The following LETM1 variants were observed in gnomAD, a reference collection of about 807,000 sequenced individuals.
LETM1 encodes the protein mitochondrial proton/calcium exchanger protein.
LETM1 carries 50 observed loss-of-function variants against 74.5 expected under a neutral mutation model. That is an observed-to-expected ratio of 0.67 (90% CI 0.53 to 0.85). LETM1 has a LOEUF of 0.85. LETM1 is among the 40% of genes least tolerant of loss of function. The probability of loss-of-function intolerance (pLI) is 0.00; values close to 1 mark genes in which losing one functional copy is unlikely to be tolerated. For missense variants in LETM1, 824 were observed against 967.8 expected, an observed-to-expected ratio of 0.85 and a Z score of 1.97; for synonymous variants, 446 against 407.1, an observed-to-expected ratio of 1.10 and a Z score of -1.15.
chr4:1,852,272 T>C (rs1472174461), intron 1 of LETM1, among the ~76,000 whole-genome samples: 1 of 152,200 alleles, frequency 6.6e-6, no homozygotes. Context: ...ATGTCAGCAA[T>C]GGGCTCTACT....
At chr4:1,822,468 C>G (rs966761612) in intron 9 of LETM1, 156 bp from the exon 10 acceptor site, 1 of 808,168 alleles carries the variant, frequency 1.2e-6, no homozygotes, top group Non-Finnish European at 1.7e-6. Flanking sequence ...CCTAGGGAGG[C>G]TCCATGCAGC....
chr4:1,828,907 A>G (rs1293202070), intron 6 of LETM1, among the ~76,000 whole-genome samples: 3 of 93,524 alleles, frequency 3.2e-5, no homozygotes, highest in Non-Finnish European at 6.3e-5. Context: ...GGCCGGGCAG[A>G]GGGGCTCCTC....
intron 2 of LETM1, among the ~76,000 whole-genome samples, chr4:1,843,632 G>A (rs1020895521): frequency 1.3e-5 from 2 of 152,204 alleles, no homozygotes; most frequent in African/African-American, 2.4e-5. Context: ...CACGTGGAAG[G>A]TGCCTGGTGG....
chr4:1,821,121 A>G (rs1249349118), intron 10 of LETM1, among the ~76,000 whole-genome samples: 1 of 150,056 alleles, frequency 6.7e-6, no homozygotes, highest in Admixed American at 6.6e-5. Context: ...CTAAAAAGTG[A>G]AATTTTTTTT....
intron 10 of LETM1, among the ~76,000 whole-genome samples, chr4:1,820,296 A>G (rs1711733361): frequency 6.6e-6 from 1 of 152,086 alleles, no homozygotes; most frequent in African/African-American, 2.4e-5. Flanking sequence ...CAGCACTTGC[A>G]TATCTTTTTC....
At position 1,836,712 on chromosome 4, in the gene LETM1, C is replaced by T. The variant is rs1712473285; in HGVS notation, c.595-140G>A. 2 of 864,262 alleles carry T rather than the reference C, an allele frequency of 2.3e-6. No homozygotes were observed. The highest frequency in any genetic ancestry group is 3.5e-6 in the Non-Finnish European group (2 of 564,768). The allele number at this position is 864,262 out of a possible 1,614,324, so 53.5% of individuals were successfully genotyped here. On this transcript the variant is annotated intron_variant, in intron 3 of 13. Coordinates refer to ENST00000302787, the MANE Select transcript of LETM1 (RefSeq NM_012318.3). This position sits in a 1 kb window ranked among gnomAD's most constrained non-coding sequence, Gnocchi z 5.8. ...AGGACCCACTGAGGACTCTAAGTTC[C>T]AGAACCACTTAGCAGACCATTCCCA...
chr4:1,851,997 C>T (rs1468227888), intron 1 of LETM1, among the ~76,000 whole-genome samples: 3 of 152,244 alleles, frequency 2.0e-5, no homozygotes, highest in Non-Finnish European at 4.4e-5. Flanking sequence ...ACGTCCCTCA[C>T]GAGCACAGGT....
intron 6 of LETM1, among the ~76,000 whole-genome samples, chr4:1,830,531 A>G (rs1240650909): frequency 6.6e-6 from 1 of 152,112 alleles, no homozygotes; most frequent in Admixed American, 6.5e-5. Flanking sequence ...GGGGGGTCTC[A>G]CTATGTTGCC....
intron 6 of LETM1, among the ~76,000 whole-genome samples, chr4:1,827,880 C>A (rs567855965): frequency 6.6e-6 from 1 of 150,838 alleles, no homozygotes; most frequent in Admixed American, 6.6e-5. Context: ...CAGAGGCGCC[C>A]CCCCCACCTC....
chr4:1,835,440 C>CAA (rs890900641), intron 4 of LETM1, among the ~76,000 whole-genome samples: 1 of 141,460 alleles, frequency 7.1e-6, no homozygotes, highest in Admixed American at 7.0e-5. Flanking sequence ...AACTCCGTCT[C>CAA]AAAAAAAAAA....
chr4:1,815,557 G>A (rs1005683879), intron 13 of LETM1, 107 bp downstream of exon 13: 2 of 1,255,402 alleles, frequency 1.6e-6, no homozygotes, highest in Non-Finnish European at 2.2e-6. Flanking sequence ...CTGACAGGAG[G>A]GGGTAGCTGC....
intron 3 of LETM1, among the ~76,000 whole-genome samples, chr4:1,839,620 T>C (rs1265251396): frequency 1.3e-5 from 2 of 152,260 alleles, no homozygotes; most frequent in Non-Finnish European, 2.9e-5. Context: ...AGTCTTGTGA[T>C]AATGTTAGGT....
At chr4:1,821,146 C>CA (rs1301854615) in intron 10 of LETM1, among the ~76,000 whole-genome samples, 1 of 143,166 alleles carries the variant, frequency 7.0e-6, no homozygotes, top group African/African-American at 2.6e-5. Context: ...TTTTTTGAGA[C>CA]AGAGTCTCAC....
At chr4:1,843,678 C>T (rs913561528) in intron 2 of LETM1, among the ~76,000 whole-genome samples, 2 of 152,166 alleles carry the variant, frequency 1.3e-5, no homozygotes, top group African/African-American at 4.8e-5. Context: ...GGAAGGGGGA[C>T]AGGCACCCCA....
At chr4:1,846,470 T>C (rs1414313192) in intron 2 of LETM1, 1 of 152,208 alleles carries the variant, frequency 6.6e-6, no homozygotes, top group Non-Finnish European at 1.5e-5. Flanking sequence ...TTTCACCATG[T>C]TGGCTAGGCT....
At chr4:1,828,402 C>T (rs1315760473) in intron 6 of LETM1, among the ~76,000 whole-genome samples, 9 of 105,062 alleles carry the variant, frequency 8.6e-5, no homozygotes, top group African/African-American at 8.5e-5. Context: ...CCCTCCCGGA[C>T]GGGGCGGCTG....
intron 7 of LETM1, among the ~76,000 whole-genome samples, chr4:1,824,160 A>G (rs1425546337): frequency 6.6e-6 from 1 of 152,224 alleles, no homozygotes; most frequent in African/African-American, 2.4e-5. Context: ...ATCTCTACTA[A>G]AAATACAAAA....
At chr4:1,846,022 T>C (rs1712871774) in intron 2 of LETM1, among the ~76,000 whole-genome samples, 2 of 147,828 alleles carry the variant, frequency 1.4e-5, no homozygotes, top group African/African-American at 5.0e-5. Flanking sequence ...CACACCCAGT[T>C]ATTTTTGTAT....
At position 1,853,049 on chromosome 4, in the gene LETM1, C is replaced by T. The variant is rs114653515; in HGVS notation, c.82+2820G>A. ...ATCTCTTCCCTGACTTGAATACACA[C>T]GCCCCACAGGTCTGATGGGCACGGC... On this transcript the variant is annotated intron_variant, in intron 1 of 13. Coordinates refer to ENST00000302787, the MANE Select transcript of LETM1 (RefSeq NM_012318.3). 4.8e-3 allele frequency among the ~76,000 whole-genome samples: 735 copies of T among 152,288 alleles called. 8 individuals are homozygous for T. The highest frequency in any genetic ancestry group is 0.017 in the African/African-American group (697 of 41,550).
Sources: allele counts gnomAD v4.1 joint callset (sites outside exome capture counted in the v4.1 genomes callset), GRCh38; gene constraint gnomAD v4.1.1; non-coding constraint Gnocchi (gnomAD v3.1); transcripts MANE v1.5; gene names NCBI Gene and HGNC (gene_info 2026-07-23, HGNC 2026-07-21).